MED14: variants seen among roughly 807,000 people sequenced by gnomAD.
MED14 encodes mediator of RNA polymerase II transcription subunit 14.
A neutral mutation model predicts 109.0 loss-of-function variants in MED14; 8 were observed. That is an observed-to-expected ratio of 0.07 (90% CI 0.04 to 0.13). The LOEUF (loss-of-function observed/expected upper bound fraction) is 0.13, where lower values mean the gene tolerates loss of function less well. Ranked by LOEUF, MED14 falls within the 10% of genes least tolerant of loss-of-function variation. The pLI, the probability that MED14 is intolerant of heterozygous loss-of-function variation, is 1.00. For synonymous variants in MED14, 399 were observed against 408.7 expected, an observed-to-expected ratio of 0.98 and a Z score of 0.29; for missense variants, 711 against 1,142.4, an observed-to-expected ratio of 0.62 and a Z score of 5.44.
Position 40,713,976 on chromosome X carries a change from T to C in MED14, c.523-69A>G. ...GATTTTTTTTTTCAATCTTTTCCTG[T>C]CTTTATACAGTGTTGCGTACTTTAC... is the stretch of plus-strand genomic sequence containing the variant. On this transcript the variant is annotated intron_variant, in intron 4 of 30. Coordinates refer to ENST00000324817, the MANE Select transcript of MED14 (RefSeq NM_004229.4). 3 of 1,081,880 alleles carry C rather than the reference T, an allele frequency of 2.8e-6. No individual in the cohort carries two copies. In the African/African-American group the frequency reaches 5.6e-5, roughly 20 times the overall value. The allele number at this position is 1,081,880 out of a possible 1,213,427, so 89.2% of individuals were successfully genotyped here. A position where few individuals can be genotyped will look rare whatever the true frequency, so the allele number is the denominator to read the frequency against.
At chrX:40,732,635 C>T in intron 1 of MED14, among the ~76,000 whole-genome samples, 1 of 110,159 alleles carries the variant, frequency 9.1e-6, no homozygotes. Context: ...AAAAAATTAG[C>T]TGGGCGTGGT....
At chrX:40,688,618 A>G in intron 15 of MED14, 88 bp from the exon 16 acceptor site, 1 of 615,179 alleles carries the variant, frequency 1.6e-6, no homozygotes, top group East Asian at 3.5e-5. Context: ...TTCTTGTGGC[A>G]CCTGTTCTAG....
At chrX:40,678,811 A>G (rs1490945504) in intron 21 of MED14, among the ~76,000 whole-genome samples, 1 of 108,418 alleles carries the variant, frequency 9.2e-6, no homozygotes, top group East Asian at 2.9e-4. Context: ...GTCTCCAAAA[A>G]AAGAAAAGAA....
intron 25 of MED14, 95 bp from the exon 26 acceptor site, chrX:40,663,255 T>C: frequency 1.4e-6 from 1 of 693,209 alleles, no homozygotes; most frequent in Non-Finnish European, 2.2e-6. Flanking sequence ...ATGTTCTAAA[T>C]CATTCTGTAC....
At chrX:40,727,141 AATTCAGTATATGGTGGTAG>A (rs1224819343) in intron 2 of MED14, among the ~76,000 whole-genome samples, 1 of 112,288 alleles carries the variant, frequency 8.9e-6, no homozygotes, top group African/African-American at 3.2e-5. Flanking sequence ...AAATATACTA[AATTCAGTATATGGTGGTAG>A]AAGTAAACTG....
In MED14 at chrX:40,735,538, A is replaced by G. The variant is rs1349040543; in HGVS notation, c.-126T>C. 1.5e-6 allele frequency: 1 copy of G among 685,054 alleles called. No homozygotes were observed. The highest frequency in any genetic ancestry group is 2.6e-5 in the Admixed American group (1 of 37,972). The allele number at this position is 685,054 out of a possible 1,213,427, so 56.5% of individuals were successfully genotyped here. ...ACCGCCTACCGCCGGGCCGCCTCAG[A>G]ACAGGAAGCCGTGCGCCGACCGCGG... is the stretch of plus-strand genomic sequence containing the variant. On this transcript the variant is annotated 5_prime_UTR_variant, in exon 1 of 31. Transcript: ENST00000324817.
In MED14 at chrX:40,655,010, C is replaced by T. The variant is rs780193067; in HGVS notation, c.4023G>A (p.Thr1341=). ...CAATCGGCGGCGCGCTGGGAGGGAT[C>T]GTCAGGCAAAACTGAACATTCCATT... is the stretch of plus-strand genomic sequence containing the variant. ...QLKWNVQFCL[T]IPPSAPPIAP... The change falls in exon 29 of 31, where the codon ACG becomes ACA. Residue 1341 remains threonine (T), a synonymous_variant. Coordinates refer to ENST00000324817, the MANE Select transcript of MED14 (RefSeq NM_004229.4). 5.8e-6 allele frequency: 7 copies of T among 1,208,850 alleles called. No homozygotes were observed. Among genetic ancestry groups the T allele is most frequent in the African/African-American group, 3.5e-5 (2 of 57,023 alleles).
chrX:40,655,175 T>TA, intron 28 of MED14, 115 bp from the exon 29 acceptor site: 2 of 728,673 alleles, frequency 2.7e-6, no homozygotes, highest in Non-Finnish European at 4.0e-6. Context: ...TAACAGAACA[T>TA]AAAGTTAATA....
intron 10 of MED14, among the ~76,000 whole-genome samples, chrX:40,706,416 C>A (rs766452589): frequency 9.0e-6 from 1 of 111,255 alleles, no homozygotes; most frequent in Non-Finnish European, 1.9e-5. Context: ...GTCCCTAAGT[C>A]ACCCTTCTCT....
intron 3 of MED14, among the ~76,000 whole-genome samples, chrX:40,722,852 C>G (rs1183460049): frequency 9.0e-6 from 1 of 111,637 alleles, no homozygotes; most frequent in Non-Finnish European, 1.9e-5. Flanking sequence ...AAACTTTTAC[C>G]CTAGGATAGT....
intron 13 of MED14, among the ~76,000 whole-genome samples, chrX:40,693,541 AC>A (rs1471251660): frequency 8.1e-5 from 9 of 111,133 alleles, no homozygotes; most frequent in Admixed American, 2.9e-4. Flanking sequence ...GTCCAATTAA[AC>A]CTCTTTCTTT....
At position 40,659,477 on chromosome X, in the gene MED14, T is replaced by C; in HGVS notation, c.3815A>G (p.Gln1272Arg). ...AACTTGAAGTTCATCAGGTTTCCAC[T>C]GTCCTGCATTTTCAGGTGTCACTTT... The part of the protein sequence containing the change: ...QLKVTPENAG[Q>R]WKPDELQVLE... Residue 1272 changes from glutamine (Q) to arginine (R), a missense_variant, in exon 27 of 31, where the codon CAG becomes CGG. Gln to Arg is a conservative substitution (Grantham distance 43). This residue lies in a region of MED14 where 54 missense variants were observed against 129.6 expected (regional missense o/e 0.42). Transcript: ENST00000324817. 1 of 1,211,894 alleles carries C rather than the reference T, an allele frequency of 8.3e-7. No individual in the cohort carries two copies. The highest frequency in any genetic ancestry group is 1.1e-6 in the Non-Finnish European group (1 of 895,395).
chrX:40,714,032 T>C, intron 4 of MED14, 125 bp from the exon 5 acceptor site: 1 of 714,999 alleles, frequency 1.4e-6, no homozygotes, highest in Middle Eastern at 4.9e-4. Flanking sequence ...ATTTCTGCAG[T>C]CTACTTACAA....
intron 26 of MED14, among the ~76,000 whole-genome samples, chrX:40,660,366 A>G (rs1374808927): frequency 8.9e-6 from 1 of 111,893 alleles, no homozygotes; most frequent in Non-Finnish European, 1.9e-5. Context: ...GGCACATTAG[A>G]AAAAAAGAAG....
intron 3 of MED14, among the ~76,000 whole-genome samples, chrX:40,716,301 A>C (rs1931519715): frequency 9.0e-6 from 1 of 111,359 alleles, no homozygotes; most frequent in Admixed American, 9.5e-5. Context: ...TCAAAAAAAA[A>C]CTAAAAATAG....
chrX:40,707,126 T>C (rs1931179440), intron 10 of MED14, among the ~76,000 whole-genome samples: 2 of 109,210 alleles, frequency 1.8e-5, no homozygotes, highest in African/African-American at 6.7e-5. Flanking sequence ...GATAGATAGA[T>C]AGATAGATAG....
intron 21 of MED14, 151 bp downstream of exon 21, chrX:40,679,713 C>G: frequency 2.0e-6 from 1 of 503,725 alleles, no homozygotes; most frequent in South Asian, 3.4e-5. Context: ...CTAGCTCCTT[C>G]AGAATGACGT....
chrX:40,659,937 C>T (rs1017535309), intron 26 of MED14: 12 of 137,332 alleles, frequency 8.7e-5, no homozygotes, highest in Admixed American at 7.9e-4. Flanking sequence ...TAAGTGATTC[C>T]GAATTGCATA....
chrX:40,660,085 A>C (rs1267229391), intron 26 of MED14, among the ~76,000 whole-genome samples: 1 of 111,617 alleles, frequency 9.0e-6, no homozygotes, highest in East Asian at 2.8e-4. Flanking sequence ...GTGATACAGA[A>C]ATTATTTTTT....
Sources: gnomAD v4.1 joint callset for allele counts (sites outside exome capture counted in the v4.1 genomes callset) on GRCh38, gnomAD v4.1.1 for gene constraint, gnomAD v4.1.1 regional missense constraint, MANE v1.5 for transcripts, NCBI Gene and HGNC (gene_info 2026-07-23, HGNC 2026-07-21) for gene names.